Variants in NUDT3 observed in about 807,000 individuals in gnomAD.
NUDT3 encodes the protein diphosphoinositol polyphosphate phosphohydrolase 1.
A neutral mutation model predicts 23.6 loss-of-function variants in NUDT3; 9 were observed. That is an observed-to-expected ratio of 0.38 (90% CI 0.23 to 0.66). NUDT3 has a LOEUF of 0.66. Ranked by LOEUF, NUDT3 falls within the 30% of genes least tolerant of loss-of-function variation. The probability of loss-of-function intolerance (pLI) is 0.52; values close to 1 mark genes in which losing one functional copy is unlikely to be tolerated. For missense variants in NUDT3, 172 were observed against 218.5 expected (o/e 0.79, Z 1.34); for synonymous variants, 86 against 82.6 (o/e 1.04, Z -0.22).
intron 1 of NUDT3, among the ~76,000 whole-genome samples, chr6:34,342,451 TC>T (rs1764303587): frequency 6.6e-6 from 1 of 152,166 alleles, no homozygotes; most frequent in African/African-American, 2.4e-5. Context: ...GTATCCCAGT[TC>T]CTGCTCCATC....
intron 2 of NUDT3, among the ~76,000 whole-genome samples, chr6:34,327,655 C>A (rs1764061348): frequency 6.6e-6 from 1 of 152,054 alleles, no homozygotes; most frequent in South Asian, 2.1e-4. Context: ...GGACAAGGAG[C>A]GTGACCACTG....
chr6:34,365,295 T>C (rs899214091), intron 1 of NUDT3, among the ~76,000 whole-genome samples: 5 of 148,512 alleles, frequency 3.4e-5, no homozygotes, highest in Admixed American at 6.7e-5. Context: ...CCAGGCATGG[T>C]GGCAGGACCT....
chr6:34,334,950 G>A (rs1444166530), intron 2 of NUDT3, among the ~76,000 whole-genome samples: 3 of 150,666 alleles, frequency 2.0e-5, no homozygotes, highest in East Asian at 3.9e-4. Flanking sequence ...AAGGAAAAGA[G>A]GAAAGAGAGA....
chr6:34,352,628 T>C (rs2113744595), intron 1 of NUDT3, among the ~76,000 whole-genome samples: 1 of 152,280 alleles, frequency 6.6e-6, no homozygotes, highest in South Asian at 2.1e-4. Flanking sequence ...ATAGCCTCCA[T>C]AATACATGCT....
At chr6:34,298,619 T>C (rs565128798) in intron 2 of NUDT3, among the ~76,000 whole-genome samples, 2 of 146,316 alleles carry the variant, frequency 1.4e-5, no homozygotes, top group East Asian at 2.0e-4. Flanking sequence ...AAACTAATGA[T>C]GTTTGTTTGT....
At position 34,283,086 on chromosome 6, in the gene NUDT3, G is replaced by C. The variant is rs916141127; in HGVS notation, c.*5667C>G. The C allele has an allele frequency of 6.6e-6, 1 of 151,984 alleles. No homozygotes were observed. The highest frequency in any genetic ancestry group is 1.5e-5 in the Non-Finnish European group (1 of 68,046). The allele number at this position is 151,984 out of a possible 1,614,324, so 9.4% of individuals were successfully genotyped here. A position where few individuals can be genotyped will look rare whatever the true frequency, so the allele number is the denominator to read the frequency against. On this transcript the variant is annotated 3_prime_UTR_variant, in exon 5 of 5. Transcript: ENST00000607016. ...CCACTATAAACAAAGCTTCAGGGAA[G>C]AGACATAACCTTACTTCAAAAGCTT...
rs776479516 is a variant in NUDT3, at chr6:34,351,633, C to A, written c.100-9661G>T. On this transcript the variant is annotated intron_variant, in intron 1 of 4. Transcript: ENST00000607016. The stretch of plus-strand genomic sequence containing the variant: ...CGTGGGCGCTTGTAATCCCAGCTAT[C>A]GGGAGACTGAAGGAGGAGAATTGCT... Among the ~76,000 whole-genome samples, 18 of 144,944 alleles carry A rather than the reference C, an allele frequency of 1.2e-4. 1 individual carries two copies. Among genetic ancestry groups the A allele is most frequent in the South Asian group, 2.2e-4 (1 of 4,588 alleles).
chr6:34,390,277 T>A (rs369010523), intron 1 of NUDT3, among the ~76,000 whole-genome samples: 1 of 150,384 alleles, frequency 6.6e-6, no homozygotes, highest in South Asian at 2.1e-4. Context: ...CTGGGCGACA[T>A]AGCAAGAGTC....
At position 34,288,818 on chromosome 6, in the gene NUDT3, C is replaced by T. The variant is rs1197168251; in HGVS notation, c.454G>A (p.Gly152Ser). Reference protein sequence around the residue: ...TLRQGYSANNGTPVVATTYSV... With the variant: ...TLRQGYSANNSTPVVATTYSV... Reference sequence around the variant, plus strand: ...TATGTGGTGGCCACGACTGGGGTGCCATTGTTGGCTGAGTAGCCTTGCCTC... The same window carrying T: ...TATGTGGTGGCCACGACTGGGGTGCTATTGTTGGCTGAGTAGCCTTGCCTC... Residue 152 changes from glycine to serine, a missense_variant, in exon 5 of 5, where the codon GGC (glycine) becomes AGC (serine). By Grantham distance (56) the Gly-to-Ser change is moderately conservative (BLOSUM62 0). Transcript: ENST00000607016. 1 of 1,614,066 alleles carries T rather than the reference C, an allele frequency of 6.2e-7. No homozygotes were observed. The highest frequency in any genetic ancestry group is 1.3e-5 in the African/African-American group (1 of 75,022).
chr6:34,352,266 G>T (rs1042669939), intron 1 of NUDT3, among the ~76,000 whole-genome samples: 5 of 152,094 alleles, frequency 3.3e-5, no homozygotes, highest in African/African-American at 4.8e-5. Flanking sequence ...CCGGGCTCAA[G>T]CAATCCTCTC....
chr6:34,304,532 A>G (rs1763648001), intron 2 of NUDT3, among the ~76,000 whole-genome samples: 1 of 152,222 alleles, frequency 6.6e-6, no homozygotes. Context: ...AAGAATATAC[A>G]TATTTTAAAA....
intron 1 of NUDT3, among the ~76,000 whole-genome samples, chr6:34,372,120 T>A (rs985956012): frequency 6.6e-5 from 10 of 152,178 alleles, no homozygotes; most frequent in Admixed American, 6.5e-4. Flanking sequence ...CTATGTGCCA[T>A]ATTTTCTTAA....
chr6:34,315,930 G>T (rs1187372407), intron 2 of NUDT3, among the ~76,000 whole-genome samples: 1 of 152,172 alleles, frequency 6.6e-6, no homozygotes, highest in Non-Finnish European at 1.5e-5. Flanking sequence ...CTCCGATAAA[G>T]CATGTCATGG....
At chr6:34,327,804 TCTG>T (rs941894593) in intron 2 of NUDT3, among the ~76,000 whole-genome samples, 1 of 152,076 alleles carries the variant, frequency 6.6e-6, no homozygotes. Flanking sequence ...CCTTTCACAG[TCTG>T]CTAAGTAACT....
chr6:34,377,761 A>C (rs553012758), intron 1 of NUDT3, among the ~76,000 whole-genome samples: 12 of 150,822 alleles, frequency 8.0e-5, no homozygotes, highest in Admixed American at 2.7e-4. Context: ...TGACCCTGGG[A>C]GGCAGAGGTG....
chr6:34,368,498 G>C (rs1764774801), intron 1 of NUDT3, among the ~76,000 whole-genome samples: 2 of 152,156 alleles, frequency 1.3e-5, no homozygotes, highest in African/African-American at 4.8e-5. Context: ...TTATTTGGCT[G>C]TCATTAAATC....
intron 2 of NUDT3, among the ~76,000 whole-genome samples, chr6:34,316,198 C>T (rs923402529): frequency 6.6e-6 from 1 of 151,732 alleles, no homozygotes; most frequent in Non-Finnish European, 1.5e-5. Flanking sequence ...GTTTTTATGG[C>T]TTATTTTGAA....
intron 1 of NUDT3, among the ~76,000 whole-genome samples, chr6:34,367,694 A>T (rs1490637956): frequency 6.6e-6 from 1 of 152,156 alleles, no homozygotes; most frequent in Non-Finnish European, 1.5e-5. Context: ...GCACTTATAC[A>T]TACATTGGCT....
chr6:34,341,153 A>G (rs1764282479), intron 2 of NUDT3, among the ~76,000 whole-genome samples: 1 of 152,178 alleles, frequency 6.6e-6, no homozygotes. Context: ...ATAACAAGAA[A>G]AGCAGAGCAT....
Sources: gnomAD v4.1 joint callset for allele counts (sites outside exome capture counted in the v4.1 genomes callset) on GRCh38, gnomAD v4.1.1 for gene constraint, MANE v1.5 for transcripts, NCBI Gene and HGNC (gene_info 2026-07-23, HGNC 2026-07-21) for gene names.